The following SNW1 variants were observed in gnomAD, a reference collection of about 807,000 sequenced individuals.
SNW1 encodes the protein SNW domain containing 1.
A neutral mutation model predicts 75.6 loss-of-function variants in SNW1; 9 were observed. That is an observed-to-expected ratio of 0.12 (90% CI 0.07 to 0.21). The LOEUF (loss-of-function observed/expected upper bound fraction) is 0.21, where lower values mean the gene tolerates loss of function less well. Ranked by LOEUF, SNW1 falls within the 10% of genes least tolerant of loss-of-function variation. The pLI is 1.00. For missense variants in SNW1, 409 were observed against 670.9 expected (o/e 0.61, Z 4.31); for synonymous variants, 200 against 219.1 (o/e 0.91, Z 0.77).
chr14:77,728,864 A>C (rs1035105318), intron 10 of SNW1, among the ~76,000 whole-genome samples: 1 of 152,214 alleles, frequency 6.6e-6, no homozygotes, highest in Non-Finnish European at 1.5e-5. Flanking sequence ...CCACCATAAG[A>C]AGCACCTGAT....
Position 77,718,406 on chromosome 14 carries a change from ATGTCCT to A in SNW1, c.1367_1372del (p.Lys456_Asp457del). 1.2e-6 allele frequency: 2 copies of A among 1,614,164 alleles called. No individual in the cohort carries two copies. Among genetic ancestry groups the A allele is most frequent in the Non-Finnish European group, 8.5e-7 (1 of 1,180,020 alleles). On this transcript the variant is annotated inframe_deletion, in exon 13 of 14. Transcript: ENST00000261531. ...TCTGGCTTCTAGGTCATCACCATAC[ATGTCCT>A]TGTCCAGATTTTTACTGGGCCTATA...
At chr14:77,751,175 GT>G (rs2080804590) in intron 3 of SNW1, 143 bp downstream of exon 3, 4 of 757,166 alleles carry the variant, frequency 5.3e-6, no homozygotes, top group Non-Finnish European at 8.3e-6. Context: ...TGCCTCCCAA[GT>G]AGCTGGGAAT....
chr14:77,745,515 C>T (rs1412130099), intron 3 of SNW1, among the ~76,000 whole-genome samples: 3 of 152,158 alleles, frequency 2.0e-5, no homozygotes, highest in African/African-American at 7.2e-5. Context: ...CAAGACCAGC[C>T]TAACCAACAA....
intron 1 of SNW1, among the ~76,000 whole-genome samples, chr14:77,759,854 A>G (rs1274804319): frequency 6.6e-6 from 1 of 152,070 alleles, no homozygotes; most frequent in East Asian, 1.9e-4. Context: ...ATGGTGGCTC[A>G]TGCCTGTAAT....
At chr14:77,742,845 A>G (rs779263240) in intron 3 of SNW1, among the ~76,000 whole-genome samples, 6 of 151,356 alleles carry the variant, frequency 4.0e-5, no homozygotes, top group Non-Finnish European at 8.8e-5. Context: ...GATTACAGGC[A>G]TGAGCCAATG....
chr14:77,737,189 T>G, intron 5 of SNW1, 114 bp from the exon 6 acceptor site: 1 of 691,830 alleles, frequency 1.4e-6, no homozygotes, highest in Non-Finnish European at 2.5e-6. Flanking sequence ...CGCAAAGTAT[T>G]AACAGAAAAT....
chr14:77,730,489 A>T (rs1438971009), intron 10 of SNW1, among the ~76,000 whole-genome samples: 4 of 152,222 alleles, frequency 2.6e-5, no homozygotes, highest in Non-Finnish European at 5.9e-5. Flanking sequence ...AATTTCTTGA[A>T]TTATACTTAG....
chr14:77,757,919 CATCTATCTATCTATCTATCT>C (rs71128671), intron 1 of SNW1, among the ~76,000 whole-genome samples: 3 of 147,574 alleles, frequency 2.0e-5, no homozygotes, highest in African/African-American at 5.0e-5. Flanking sequence ...TCAATCTAAT[CATCTATCTATCTATCTATCT>C]ATCTATCTAT....
At chr14:77,721,374 T>A (rs562754745) in intron 11 of SNW1, among the ~76,000 whole-genome samples, 1 of 152,312 alleles carries the variant, frequency 6.6e-6, no homozygotes, top group South Asian at 2.1e-4. Flanking sequence ...TACATCCCAA[T>A]GAAACCATGG....
At chr14:77,747,092 T>C (rs2080766340) in intron 3 of SNW1, among the ~76,000 whole-genome samples, 1 of 152,148 alleles carries the variant, frequency 6.6e-6, no homozygotes, top group African/African-American at 2.4e-5. Context: ...GGTTTTCGTA[T>C]TTTTTTGGTG....
chr14:77,718,300 G>GA lies in SNW1; in HGVS notation c.1413-15dup, dbSNP rs775398074. On this transcript the variant is annotated splice_polypyrimidine_tract_variant and intron_variant, in intron 13 of 13. Coordinates refer to ENST00000261531, the MANE Select transcript of SNW1 (RefSeq NM_012245.3). ...TCGGGAACAAATCTAAGGAAAAGGAGAAAAAACTATGAACTACTTTGCTTT... is the reference window on the plus strand; with the variant it reads ...TCGGGAACAAATCTAAGGAAAAGGAGAAAAAAACTATGAACTACTTTGCTTT... 1.9e-6 allele frequency: 3 copies of GA among 1,613,980 alleles called. No homozygotes were observed. In the African/African-American group the frequency reaches 4.0e-5, roughly 22 times the overall value.
At chr14:77,758,088 G>A (rs953045499) in intron 1 of SNW1, among the ~76,000 whole-genome samples, 3 of 152,012 alleles carry the variant, frequency 2.0e-5, no homozygotes, top group Non-Finnish European at 4.4e-5. Context: ...CCAACACTTT[G>A]GGAGGCCAAG....
chr14:77,733,790 AT>A (rs2080647622), intron 8 of SNW1: 1 of 214,334 alleles, frequency 4.7e-6, no homozygotes, highest in African/African-American at 2.3e-5. Flanking sequence ...AGAAAAAAAA[AT>A]GTTTGCTAAA....
rs970714261 is a variant in SNW1, at chr14:77,747,133, G to A, written c.330+4186C>T. Reference sequence around the variant, plus strand: ...GGGGTTTTGCTGTGTTGGCCGGGCTGGTCTCCAGCTCCTAACCGTGAGTGA... The same window carrying A: ...GGGGTTTTGCTGTGTTGGCCGGGCTAGTCTCCAGCTCCTAACCGTGAGTGA... On this transcript the variant is annotated intron_variant, in intron 3 of 13. Transcript: ENST00000261531. Among the ~76,000 whole-genome samples the A allele has an allele frequency of 2.0e-5, 3 of 152,316 alleles. No individual in the cohort carries two copies. In the East Asian group the frequency reaches 5.8e-4, roughly 29 times the overall value.
At chr14:77,754,167 C>T (rs1170543466) in intron 2 of SNW1, among the ~76,000 whole-genome samples, 1 of 151,688 alleles carries the variant, frequency 6.6e-6, no homozygotes, top group Non-Finnish European at 1.5e-5. Context: ...GCCTCAGCCT[C>T]CGGAGTAGCT....
chr14:77,743,557 A>G (rs1050222488), intron 3 of SNW1, among the ~76,000 whole-genome samples: 1 of 152,188 alleles, frequency 6.6e-6, no homozygotes, highest in Non-Finnish European at 1.5e-5. Flanking sequence ...GTCCAAATTC[A>G]TAAATCCAAT....
intron 3 of SNW1, among the ~76,000 whole-genome samples, chr14:77,742,295 C>G (rs1388801105): frequency 6.6e-6 from 1 of 152,142 alleles, no homozygotes; most frequent in Non-Finnish European, 1.5e-5. Flanking sequence ...CTCGGCCTCC[C>G]AAAGTGCTGG....
rs2080504594 is a variant in SNW1, at chr14:77,718,127, C to A, written c.1572G>T (p.Lys524Asn). Residue 524 changes from lysine to asparagine, a missense_variant, in exon 14 of 14, where the codon AAG becomes AAT. Lys to Asn is a moderately conservative substitution (Grantham distance 94). Coordinates refer to ENST00000261531, the MANE Select transcript of SNW1 (RefSeq NM_012245.3). ...TCTTCTTGCCTTCATGCTCGTGTTC[C>A]TTGGGGCGGCTGCTATCTGAGGGTC... ...SKRPSDSSRP[K>N]EHEHEGKKRR... The A allele has an allele frequency of 1.2e-6, 2 of 1,607,110 alleles. No individual in the cohort carries two copies.
chr14:77,725,035 C>T (rs1174388155), intron 10 of SNW1, among the ~76,000 whole-genome samples: 1 of 152,098 alleles, frequency 6.6e-6, no homozygotes, highest in East Asian at 1.9e-4. Flanking sequence ...TAATGATAGC[C>T]ATTTTAACTG....
Sources: gnomAD v4.1 joint callset for allele counts (sites outside exome capture counted in the v4.1 genomes callset) on GRCh38, gnomAD v4.1.1 for gene constraint, MANE v1.5 for transcripts, NCBI Gene and HGNC (gene_info 2026-07-23, HGNC 2026-07-21) for gene names.